CFAP92: variants seen among roughly 807,000 people sequenced by gnomAD.
The protein encoded by CFAP92 is uncharacterized protein CFAP92.
CFAP92 carries 86 observed loss-of-function variants against 106.3 expected under a neutral mutation model. The ratio of observed to expected loss-of-function variants is 0.81; its 90% confidence interval spans 0.68 to 0.97. The LOEUF (loss-of-function observed/expected upper bound fraction) is 0.97. Among genes scored for constraint, CFAP92 ranks in the 50% least tolerant of loss-of-function variants. The pLI, the probability that CFAP92 is intolerant of heterozygous loss-of-function variation, is 0.00. For synonymous variants in CFAP92, 477 were observed against 506.4 expected (o/e 0.94, Z 0.78); for missense variants, 1,204 against 1,283.8 (o/e 0.94, Z 0.95).
chr3:128,987,605 A>ATGTTCAT lies in CFAP92; in HGVS notation c.667+10_667+11insATGAACA, dbSNP rs771191394. 9.3e-6 allele frequency: 15 copies of ATGTTCAT among 1,612,322 alleles called. No homozygotes were observed. The South Asian group carries it at 1.3e-4, about 14-fold the overall frequency. On this transcript the variant is annotated intron_variant, in intron 4 of 15. Coordinates refer to ENST00000645291, the MANE Select transcript of CFAP92 (RefSeq NM_001394090.1). Reference sequence around the variant, plus strand: ...AGGCTTCCAGAACCATTTCAAATAAAACCAGAGCACCTGACTTATGAAAAG... The same window carrying ATGTTCAT: ...AGGCTTCCAGAACCATTTCAAATAAATGTTCATACCAGAGCACCTGACTTATGAAAAG...
the CFAP92 span, among the ~76,000 whole-genome samples, chr3:129,008,108 T>C: frequency 6.6e-6 from 1 of 152,272 alleles, no homozygotes; most frequent in East Asian, 1.9e-4. Context: ...CACCAGGCCC[T>C]GATTCTAGAC....
intron 8 of CFAP92, chr3:128,970,977 A>G: frequency 2.3e-6 from 1 of 429,312 alleles, no homozygotes; most frequent in Non-Finnish European, 4.1e-6. Flanking sequence ...TAAAAGCAGC[A>G]TCTTCTTAAC....
intron 15 of CFAP92, among the ~76,000 whole-genome samples, chr3:128,913,919 C>T (rs900609927): frequency 7.9e-5 from 12 of 152,196 alleles, no homozygotes; most frequent in Admixed American, 6.5e-4. Context: ...ACCCACCCCC[C>T]TTCTGTGCAG....
upstream of CFAP92, among the ~76,000 whole-genome samples, chr3:128,994,475 C>A (rs1463755214): frequency 2.6e-5 from 4 of 151,138 alleles, no homozygotes; most frequent in African/African-American, 9.7e-5. Flanking sequence ...TCATTAGATT[C>A]TCTGCTTCTG....
intron 9 of CFAP92, among the ~76,000 whole-genome samples, chr3:128,951,103 C>CA (rs1479665893): frequency 1.3e-5 from 2 of 152,062 alleles, no homozygotes; most frequent in Non-Finnish European, 2.9e-5. Flanking sequence ...GGTGTGGTGC[C>CA]AGGCACCTGT....
At chr3:128,952,530 A>T (rs1423943664) in intron 9 of CFAP92, among the ~76,000 whole-genome samples, 1 of 152,248 alleles carries the variant, frequency 6.6e-6, no homozygotes, top group Non-Finnish European at 1.5e-5. Context: ...GAGATGATAC[A>T]GATCTTGGAA....
chr3:128,942,927 T>C (rs1395265591), intron 10 of CFAP92, among the ~76,000 whole-genome samples: 2 of 145,278 alleles, frequency 1.4e-5, no homozygotes, highest in Admixed American at 1.4e-4. Flanking sequence ...TTTTTTTTTT[T>C]TTTTTTTTTT....
In CFAP92 at chr3:129,001,654, A is replaced by C. The variant is rs570602884; in HGVS notation, n.117+920T>G. ...ATGGAGCCGGTCAGCACGGGCGCGG[A>C]GGCCGGCATGGAGGGCGCGGGAGGT... On this transcript the variant is annotated intron_variant and non_coding_transcript_variant, in intron 1 of 4. Coordinates refer to the CFAP92 transcript ENST00000510149. The C allele has an allele frequency of 8.6e-6, 12 of 1,393,910 alleles. No individual in the cohort carries two copies. The African/African-American group carries it at 1.7e-4, about 19-fold the overall frequency. The allele number at this position is 1,393,910 out of a possible 1,614,324, so 86.3% of individuals were successfully genotyped here. A position where few individuals can be genotyped will look rare whatever the true frequency, so the allele number is the denominator to read the frequency against.
chr3:128,988,992 G>A lies in CFAP92; in HGVS notation c.263-74C>T, dbSNP rs1944040241. 8 of 1,188,028 alleles carry A rather than the reference G, an allele frequency of 6.7e-6. No homozygotes were observed. The South Asian group carries it at 8.4e-5, about 13-fold the overall frequency. 73.6% of individuals were successfully genotyped at this position (1,188,028 alleles called of 1,614,324 possible). A position where few individuals can be genotyped will look rare whatever the true frequency, so the allele number is the denominator to read the frequency against. On this transcript the variant is annotated intron_variant, in intron 2 of 15. Transcript: ENST00000645291. Reference sequence around the variant, plus strand: ...GCAGACCCGTCTCCCCAGTTCCCTGGAGCTTGATGTTGTGAGAGGCTGAGC... The same window carrying A: ...GCAGACCCGTCTCCCCAGTTCCCTGAAGCTTGATGTTGTGAGAGGCTGAGC...
chr3:128,943,825 C>T (rs1939910448), intron 10 of CFAP92, among the ~76,000 whole-genome samples: 1 of 151,938 alleles, frequency 6.6e-6, no homozygotes, highest in Non-Finnish European at 1.5e-5. Context: ...GTGTGAGCCA[C>T]CGTGCCTGGC....
intron 2 of CFAP92, among the ~76,000 whole-genome samples, chr3:128,990,622 G>A (rs1376666751): frequency 6.6e-6 from 1 of 152,222 alleles, no homozygotes; most frequent in African/African-American, 2.4e-5. Context: ...TAGGTCGGGC[G>A]TGGTGGTTCA....
At chr3:128,934,230 C>T (rs1002047070) in intron 11 of CFAP92, among the ~76,000 whole-genome samples, 1 of 152,208 alleles carries the variant, frequency 6.6e-6, no homozygotes, top group African/African-American at 2.4e-5. Flanking sequence ...CCAGCAGCTG[C>T]TCAATGAGGG....
chr3:128,925,851 A>G (rs1351671303), intron 12 of CFAP92, among the ~76,000 whole-genome samples: 2 of 152,224 alleles, frequency 1.3e-5, no homozygotes, highest in Non-Finnish European at 2.9e-5. Context: ...CTGGCAGCTG[A>G]CCAACAGAAA....
At chr3:129,004,027 C>G (rs534655542), upstream of CFAP92, 3 of 1,510,142 alleles carry the variant, frequency 2.0e-6, no homozygotes, top group Admixed American at 2.1e-5. Context: ...AACAGGTGCC[C>G]GGCTTGCAGC....
chr3:129,021,873 G>A, the CFAP92 span, among the ~76,000 whole-genome samples: 1 of 152,034 alleles, frequency 6.6e-6, no homozygotes, highest in Non-Finnish European at 1.5e-5. Context: ...TACCATTAGG[G>A]CATCACATTA....
At chr3:128,974,906 G>T (rs1341325003) in intron 7 of CFAP92, among the ~76,000 whole-genome samples, 1 of 151,878 alleles carries the variant, frequency 6.6e-6, no homozygotes, top group African/African-American at 2.4e-5. Flanking sequence ...AGATCACGAG[G>T]TCAGGAGATC....
chr3:128,992,978 A>G, intron 2 of CFAP92, 65 bp downstream of exon 2: 1 of 1,588,714 alleles, frequency 6.3e-7, no homozygotes, highest in African/African-American at 1.3e-5. Context: ...TGCGCCCTAA[A>G]CTCCTGCAGA....
chr3:129,018,409 A>C, the CFAP92 span, among the ~76,000 whole-genome samples: 2 of 152,264 alleles, frequency 1.3e-5, no homozygotes, highest in African/African-American at 2.4e-5. Context: ...GACATATGAA[A>C]ATTTCATAAA....
chr3:128,918,844 A>C (rs1203000110), intron 12 of CFAP92, among the ~76,000 whole-genome samples: 1 of 152,192 alleles, frequency 6.6e-6, no homozygotes. Flanking sequence ...TCCAAGGAAC[A>C]CAGGAACGGA....
Sources: gnomAD v4.1 joint callset for allele counts (sites outside exome capture counted in the v4.1 genomes callset) on GRCh38, gnomAD v4.1.1 for gene constraint, MANE v1.5 for transcripts, NCBI Gene and HGNC (gene_info 2026-07-23, HGNC 2026-07-21) for gene names.